STAMBPL1: variants seen among roughly 807,000 people sequenced by gnomAD.
The protein encoded by STAMBPL1 is STAM binding protein like 1.
Under a neutral mutation model 52.9 loss-of-function variants are expected in STAMBPL1, and 44 were observed. That is an observed-to-expected ratio of 0.83 (90% CI 0.65 to 1.07). The LOEUF (loss-of-function observed/expected upper bound fraction) is 1.07, where lower values mean the gene tolerates loss of function less well. Among genes scored for constraint, STAMBPL1 ranks in the 50% least tolerant of loss-of-function variants. The pLI is 0.00. For synonymous variants in STAMBPL1, 164 were observed against 177.3 expected (o/e 0.92, Z 0.60); for missense variants, 511 against 520.8 (o/e 0.98, Z 0.18).
chr10:88,892,862 A>G (rs1223030092), intron 1 of STAMBPL1, among the ~76,000 whole-genome samples: 1 of 152,216 alleles, frequency 6.6e-6, no homozygotes, highest in African/African-American at 2.4e-5. Flanking sequence ...AATAAAATTG[A>G]TTAATAATGC....
At chr10:88,897,481 A>C (rs1347218881) in intron 1 of STAMBPL1, among the ~76,000 whole-genome samples, 1 of 152,236 alleles carries the variant, frequency 6.6e-6, no homozygotes, top group Non-Finnish European at 1.5e-5. Context: ...CTCTGAAGCA[A>C]GAACTCTGAA....
intron 8 of STAMBPL1, 28 bp downstream of exon 8, chr10:88,916,845 T>A (rs1271481605): frequency 6.6e-7 from 1 of 1,506,510 alleles, no homozygotes; most frequent in Non-Finnish European, 8.9e-7. Flanking sequence ...GGTTTCAGTT[T>A]TTTTGTGTGT....
intron 3 of STAMBPL1, among the ~76,000 whole-genome samples, chr10:88,907,163 T>A (rs1478498050): frequency 6.6e-6 from 1 of 152,224 alleles, no homozygotes; most frequent in Non-Finnish European, 1.5e-5. Flanking sequence ...ACATATAATA[T>A]CACTAGCTTA....
At chr10:88,896,088 T>A (rs1844803885) in intron 1 of STAMBPL1, among the ~76,000 whole-genome samples, 1 of 152,204 alleles carries the variant, frequency 6.6e-6, no homozygotes, top group Non-Finnish European at 1.5e-5. Flanking sequence ...TATATAGTAC[T>A]TACAAATATA....
chr10:88,886,334 A>C (rs1471360792), intron 1 of STAMBPL1, among the ~76,000 whole-genome samples: 1 of 152,076 alleles, frequency 6.6e-6, no homozygotes, highest in East Asian at 1.9e-4. Flanking sequence ...TAAAACACTA[A>C]TAATTTTGTT....
At chr10:88,912,331 C>T (rs1845246948) in intron 5 of STAMBPL1, 1 of 152,200 alleles carries the variant, frequency 6.6e-6, no homozygotes, top group African/African-American at 2.4e-5. Flanking sequence ...CTATCAAAAT[C>T]ACCTGAAAGG....
intron 1 of STAMBPL1, among the ~76,000 whole-genome samples, chr10:88,895,914 A>G (rs1844799913): frequency 6.6e-6 from 1 of 152,208 alleles, no homozygotes; most frequent in Non-Finnish European, 1.5e-5. Context: ...CCTCAAGGTA[A>G]TTTAACACAT....
At chr10:88,913,734 T>C (rs1845291304) in intron 6 of STAMBPL1, among the ~76,000 whole-genome samples, 1 of 152,196 alleles carries the variant, frequency 6.6e-6, no homozygotes, top group African/African-American at 2.4e-5. Context: ...GAGAAGAATT[T>C]CAAGTACTTT....
intron 5 of STAMBPL1, among the ~76,000 whole-genome samples, chr10:88,911,284 C>A (rs939725738): frequency 1.2e-4 from 18 of 152,190 alleles, no homozygotes; most frequent in African/African-American, 4.3e-4. Context: ...TTTTGATTAA[C>A]TCTTGAGCCA....
At chr10:88,886,835 G>A (rs1844546739) in intron 1 of STAMBPL1, among the ~76,000 whole-genome samples, 1 of 152,186 alleles carries the variant, frequency 6.6e-6, no homozygotes, top group South Asian at 2.1e-4. Flanking sequence ...GCACTAATCA[G>A]CTATGCACCT....
At chr10:88,897,205 C>T (rs1166112062) in intron 1 of STAMBPL1, among the ~76,000 whole-genome samples, 1 of 152,180 alleles carries the variant, frequency 6.6e-6, no homozygotes, top group African/African-American at 2.4e-5. Flanking sequence ...TTGGCCACAT[C>T]CCCTCTGGGC....
chr10:88,905,512 A>C lies in STAMBPL1; in HGVS notation c.100A>C (p.Ser34Arg). Residue 34 changes from serine to arginine, a missense_variant, in exon 3 of 11, where the codon AGC becomes CGC. Physicochemically the swap from Ser to Arg is moderately radical, Grantham distance 110. This residue lies in a region of STAMBPL1 where 358 missense variants were observed against 343.5 expected (regional missense o/e 1.04). Coordinates refer to ENST00000371926, the MANE Select transcript of STAMBPL1 (RefSeq NM_020799.4). Reference sequence around the variant, plus strand: ...CCCAGAAGAGCGAGTCCGTGCCCTAAGCAAGCTTGGTTGTAATATCACCAT... The same window carrying C: ...CCCAGAAGAGCGAGTCCGTGCCCTACGCAAGCTTGGTTGTAATATCACCAT... ...LSPEERVRAL[S>R]KLGCNITISE... The C allele has an allele frequency of 1.2e-6, 2 of 1,614,154 alleles. No homozygotes were observed. Among genetic ancestry groups the C allele is most frequent in the Non-Finnish European group, 1.7e-6 (2 of 1,180,010 alleles).
intron 8 of STAMBPL1, 53 bp from the exon 9 acceptor site, chr10:88,921,230 G>A: frequency 1.4e-6 from 2 of 1,380,810 alleles, no homozygotes; most frequent in Non-Finnish European, 2.0e-6. Context: ...AATAGCCTAT[G>A]GCCTTGGCTA....
At chr10:88,899,221 T>C (rs1003030308) in intron 1 of STAMBPL1, among the ~76,000 whole-genome samples, 1 of 152,194 alleles carries the variant, frequency 6.6e-6, no homozygotes, top group Non-Finnish European at 1.5e-5. Context: ...CAATTAAGAA[T>C]CCTGCTTAAT....
At chr10:88,887,119 A>T (rs1053222501) in intron 1 of STAMBPL1, among the ~76,000 whole-genome samples, 2 of 152,186 alleles carry the variant, frequency 1.3e-5, no homozygotes, top group African/African-American at 4.8e-5. Context: ...ACAAATGGAC[A>T]TGGTGGATGG....
intron 1 of STAMBPL1, among the ~76,000 whole-genome samples, chr10:88,899,809 C>T (rs1007621674): frequency 3.9e-5 from 6 of 152,206 alleles, no homozygotes; most frequent in East Asian, 1.9e-4. Flanking sequence ...TGTGTCTGGC[C>T]AATTCTACTC....
chr10:88,887,885 A>G (rs11202880), intron 1 of STAMBPL1, among the ~76,000 whole-genome samples: 12,207 of 152,212 alleles, frequency 0.08, 1,087 homozygotes, highest in African/African-American at 0.21. Flanking sequence ...CACCCTTTTG[A>G]GAAGAATCCG....
intron 10 of STAMBPL1, among the ~76,000 whole-genome samples, chr10:88,922,870 C>T (rs1845549448): frequency 6.6e-6 from 1 of 152,012 alleles, no homozygotes; most frequent in African/African-American, 2.4e-5. Context: ...CCAAAAGAAA[C>T]ATTTGACTAC....
At chr10:88,893,445 G>GA (rs1394828598) in intron 1 of STAMBPL1, among the ~76,000 whole-genome samples, 1 of 152,102 alleles carries the variant, frequency 6.6e-6, no homozygotes, top group African/African-American at 2.4e-5. Flanking sequence ...TTCTGCCGAT[G>GA]AAAAAAGTGA....
Sources: allele counts gnomAD v4.1 joint callset (sites outside exome capture counted in the v4.1 genomes callset), GRCh38; gene constraint gnomAD v4.1.1; regional missense constraint gnomAD v4.1.1; transcripts MANE v1.5; gene names NCBI Gene and HGNC (gene_info 2026-07-23, HGNC 2026-07-21).